Variants in HS3ST4 observed in about 807,000 individuals in gnomAD.
The protein encoded by HS3ST4 is heparan sulfate glucosamine 3-O-sulfotransferase 4.
In HS3ST4, 17 loss-of-function variants were observed where a neutral mutation model predicts 29.2. That is an observed-to-expected ratio of 0.58 (90% CI 0.40 to 0.87). The LOEUF is 0.87. Among genes scored for constraint, HS3ST4 ranks in the 40% least tolerant of loss-of-function variants. The probability of loss-of-function intolerance (pLI) is 0.00; values close to 1 mark genes in which losing one functional copy is unlikely to be tolerated. For synonymous variants in HS3ST4, 314 were observed against 285.7 expected (o/e 1.10, Z -1.00); for missense variants, 627 against 634.5 (o/e 0.99, Z 0.13).
intron 1 of HS3ST4, among the ~76,000 whole-genome samples, chr16:25,746,883 C>G (rs1966688983): frequency 1.3e-5 from 2 of 151,756 alleles, no homozygotes; most frequent in Non-Finnish European, 2.9e-5. Flanking sequence ...GGGTCTTGCT[C>G]CATCACCCGT....
At chr16:25,994,096 T>G (rs1969138921) in intron 1 of HS3ST4, among the ~76,000 whole-genome samples, 1 of 151,756 alleles carries the variant, frequency 6.6e-6, no homozygotes, top group Non-Finnish European at 1.5e-5. Context: ...CATGACCTTA[T>G]CTAAATCTAA....
At chr16:25,898,052 C>G (rs1236309791) in intron 1 of HS3ST4, among the ~76,000 whole-genome samples, 2 of 152,206 alleles carry the variant, frequency 1.3e-5, no homozygotes, top group African/African-American at 4.8e-5. Flanking sequence ...GGGACTCAGA[C>G]AGCTTCAAGC....
chr16:25,705,078 G>T (rs919316377), intron 1 of HS3ST4, among the ~76,000 whole-genome samples: 1 of 152,080 alleles, frequency 6.6e-6, no homozygotes, highest in Non-Finnish European at 1.5e-5. Flanking sequence ...TAGGAGATGA[G>T]CACGGATTAT....
chr16:25,742,759 C>G (rs2141598302), intron 1 of HS3ST4, among the ~76,000 whole-genome samples: 1 of 152,310 alleles, frequency 6.6e-6, no homozygotes, highest in East Asian at 1.9e-4. Context: ...ATGGGTTGAG[C>G]TTAGTATCTG....
intron 1 of HS3ST4, among the ~76,000 whole-genome samples, chr16:25,719,942 G>T (rs1966482100): frequency 6.6e-6 from 1 of 152,166 alleles, no homozygotes; most frequent in Non-Finnish European, 1.5e-5. Context: ...GCTCATTGTA[G>T]TGTCTGGCCC....
chr16:25,733,212 T>A (rs1236585495), intron 1 of HS3ST4, among the ~76,000 whole-genome samples: 3 of 152,244 alleles, frequency 2.0e-5, no homozygotes, highest in African/African-American at 7.2e-5. Flanking sequence ...AAGAAATTGG[T>A]GACGTGAGAC....
intron 1 of HS3ST4, among the ~76,000 whole-genome samples, chr16:25,967,189 C>G (rs1377825877): frequency 6.6e-6 from 1 of 152,156 alleles, no homozygotes; most frequent in Admixed American, 6.5e-5. Context: ...CTCGCTCGCT[C>G]TATTACCAGG....
chr16:25,920,148 A>G (rs1284306040), intron 1 of HS3ST4, among the ~76,000 whole-genome samples: 1 of 152,120 alleles, frequency 6.6e-6, no homozygotes, highest in African/African-American at 2.4e-5. Flanking sequence ...TCATTGCTCA[A>G]CCTTAATCTA....
chr16:25,716,276 T>A (rs890350848), intron 1 of HS3ST4, among the ~76,000 whole-genome samples: 2 of 152,194 alleles, frequency 1.3e-5, no homozygotes, highest in African/African-American at 4.8e-5. Context: ...GTTTCTTGTG[T>A]CTCCATTTTT....
chr16:25,778,331 T>G (rs186719389), intron 1 of HS3ST4, among the ~76,000 whole-genome samples: 79 of 152,316 alleles, frequency 5.2e-4, no homozygotes, highest in Non-Finnish European at 7.8e-4. Flanking sequence ...AACAATCCAG[T>G]GCCTCACCTT....
chr16:26,060,696 C>T (rs1898464852), intron 1 of HS3ST4, among the ~76,000 whole-genome samples: 1 of 152,150 alleles, frequency 6.6e-6, no homozygotes, highest in Non-Finnish European at 1.5e-5. Flanking sequence ...TGATTGAGCA[C>T]CTCATATGTG....
chr16:25,771,232 A>G (rs993095680), intron 1 of HS3ST4, among the ~76,000 whole-genome samples: 1 of 152,074 alleles, frequency 6.6e-6, no homozygotes, highest in Non-Finnish European at 1.5e-5. Context: ...GAGTGAGAAC[A>G]TGTGGTGTTC....
At chr16:25,988,574 A>T (rs1174911389) in intron 1 of HS3ST4, among the ~76,000 whole-genome samples, 1 of 152,184 alleles carries the variant, frequency 6.6e-6, no homozygotes, top group Non-Finnish European at 1.5e-5. Context: ...TATCTCTAGG[A>T]TAGTTTTTTA....
chr16:25,856,075 C>A (rs559160130), intron 1 of HS3ST4, among the ~76,000 whole-genome samples: 1 of 152,046 alleles, frequency 6.6e-6, no homozygotes, highest in African/African-American at 2.4e-5. Flanking sequence ...CCCACCAGAG[C>A]CACAAGGGAC....
At chr16:25,743,439 A>G (rs534463622) in intron 1 of HS3ST4, among the ~76,000 whole-genome samples, 21 of 152,234 alleles carry the variant, frequency 1.4e-4, no homozygotes, top group African/African-American at 4.3e-4. Flanking sequence ...GTGTAAGTCA[A>G]TTAATCAATC....
At chr16:25,811,422 CTTTTTTTTTTTTTCTTTT>C in intron 1 of HS3ST4, among the ~76,000 whole-genome samples, 1 of 129,072 alleles carries the variant, frequency 7.7e-6, no homozygotes, top group South Asian at 2.5e-4. Context: ...TTTTCTTCTT[CTTTTTTTTTTTTTCTTTT>C]TTTTTTTTTT....
intron 1 of HS3ST4, among the ~76,000 whole-genome samples, chr16:25,818,668 T>C (rs1967119006): frequency 2.0e-5 from 3 of 152,176 alleles, no homozygotes; most frequent in South Asian, 4.1e-4. Flanking sequence ...AGGCCTTTGA[T>C]AAAAAATTAG....
intron 1 of HS3ST4, among the ~76,000 whole-genome samples, chr16:25,740,134 G>C (rs1966642134): frequency 6.6e-6 from 1 of 152,158 alleles, no homozygotes; most frequent in South Asian, 2.1e-4. Context: ...GCACTGAGCT[G>C]AGAGAGCTGA....
At chr16:26,032,280 C>A (rs2141753991) in intron 1 of HS3ST4, among the ~76,000 whole-genome samples, 1 of 152,284 alleles carries the variant, frequency 6.6e-6, no homozygotes, top group East Asian at 1.9e-4. Flanking sequence ...ATCCCTCCTC[C>A]TGGGAGCCAA....
Sources: allele counts gnomAD v4.1 joint callset (sites outside exome capture counted in the v4.1 genomes callset), GRCh38; gene constraint gnomAD v4.1.1; transcripts MANE v1.5; gene names NCBI Gene and HGNC (gene_info 2026-07-23, HGNC 2026-07-21).